Variants in CACNA2D3 observed in about 807,000 individuals in gnomAD.
CACNA2D3 encodes the protein voltage-dependent calcium channel subunit alpha-2/delta-3.
Under a neutral mutation model 160.6 loss-of-function variants are expected in CACNA2D3, and 60 were observed. The ratio of observed to expected loss-of-function variants is 0.37; its 90% CI spans 0.30 to 0.46. CACNA2D3 has a LOEUF of 0.46. Among genes scored for constraint, CACNA2D3 ranks in the 20% least tolerant of loss-of-function variants. CACNA2D3 has a pLI of 1.00. For missense variants in CACNA2D3, 1,205 were observed against 1,365.0 expected (o/e 0.88, Z 1.85); for synonymous variants, 558 against 492.9 (o/e 1.13, Z -1.75).
At chr3:54,629,966 AGATTGGGGCT>A (rs1347303134) in intron 10 of CACNA2D3, among the ~76,000 whole-genome samples, 3 of 152,108 alleles carry the variant, frequency 2.0e-5, no homozygotes, top group Non-Finnish European at 4.4e-5. Flanking sequence ...GGAGTAAGGC[AGATTGGGGCT>A]GAGAAGCCTG....
intron 27 of CACNA2D3, among the ~76,000 whole-genome samples, chr3:54,943,269 A>T (rs1220278141): frequency 6.6e-6 from 1 of 151,772 alleles, no homozygotes; most frequent in Non-Finnish European, 1.5e-5. Context: ...GCCCTGATCC[A>T]TCATTCCCAA....
chr3:54,942,170 C>A (rs1171493905), intron 27 of CACNA2D3, among the ~76,000 whole-genome samples: 1 of 152,240 alleles, frequency 6.6e-6, no homozygotes, highest in South Asian at 2.1e-4. Flanking sequence ...ATTTCTGCAA[C>A]AGGGCAGTGA....
intron 2 of CACNA2D3, among the ~76,000 whole-genome samples, chr3:54,166,779 A>G (rs1256848014): frequency 6.6e-6 from 1 of 152,216 alleles, no homozygotes; most frequent in African/African-American, 2.4e-5. Context: ...TGAGACTTCC[A>G]TGACAATATT....
intron 11 of CACNA2D3, among the ~76,000 whole-genome samples, chr3:54,736,125 ATATATG>A (rs1363569102): frequency 9.0e-5 from 6 of 66,542 alleles, no homozygotes; most frequent in African/African-American, 2.3e-4. Flanking sequence ...ATATACATAT[ATATATG>A]TATATATATA....
chr3:54,241,852 T>A (rs1267861660), intron 2 of CACNA2D3, among the ~76,000 whole-genome samples: 2 of 152,216 alleles, frequency 1.3e-5, no homozygotes, highest in Non-Finnish European at 2.9e-5. Flanking sequence ...TTGGGTAAGT[T>A]ACTTGAACTT....
intron 27 of CACNA2D3, among the ~76,000 whole-genome samples, chr3:54,919,856 A>G (rs1700784681): frequency 6.6e-6 from 1 of 152,220 alleles, no homozygotes; most frequent in Admixed American, 6.5e-5. Flanking sequence ...GGATGAAACA[A>G]CATCCAAACC....
intron 35 of CACNA2D3, among the ~76,000 whole-genome samples, chr3:55,040,599 CA>C (rs10718183): frequency 0.19 from 28,868 of 151,954 alleles, 2,822 homozygotes; most frequent in East Asian, 0.27. Flanking sequence ...GCGGGAGGAT[CA>C]CTTGAGCCCA....
At chr3:54,307,010 G>T (rs1703618059) in intron 2 of CACNA2D3, among the ~76,000 whole-genome samples, 1 of 152,064 alleles carries the variant, frequency 6.6e-6, no homozygotes, top group African/African-American at 2.4e-5. Flanking sequence ...ACCAAGAAGT[G>T]GCTGACTTCT....
chr3:54,540,630 G>C (rs953817579), intron 5 of CACNA2D3, among the ~76,000 whole-genome samples: 2 of 152,174 alleles, frequency 1.3e-5, no homozygotes, highest in African/African-American at 4.8e-5. Flanking sequence ...TCTTTTCCTA[G>C]TTTGCAGTTG....
chr3:54,901,574 G>T (rs1229813389), intron 27 of CACNA2D3, among the ~76,000 whole-genome samples: 1 of 152,108 alleles, frequency 6.6e-6, no homozygotes, highest in Non-Finnish European at 1.5e-5. Flanking sequence ...ACACAGTTTG[G>T]TCCACCCTGA....
At chr3:54,407,840 C>T (rs571620843) in intron 4 of CACNA2D3, among the ~76,000 whole-genome samples, 17 of 152,140 alleles carry the variant, frequency 1.1e-4, no homozygotes, top group Non-Finnish European at 2.4e-4. Context: ...TAGTTTCATT[C>T]CCAGCTGGAC....
Position 54,132,206 on chromosome 3 carries a change from C to T in CACNA2D3, c.204+8612C>T, listed in dbSNP as rs74352021. Among the ~76,000 whole-genome samples the T allele has an allele frequency of 2.6e-3, 391 of 152,318 alleles. 15 individuals are homozygous for T. In the East Asian group the frequency reaches 0.067, roughly 26 times the overall value. On this transcript the variant is annotated intron_variant, in intron 2 of 37. Coordinates refer to ENST00000474759, the MANE Select transcript of CACNA2D3 (RefSeq NM_018398.3). Reference sequence around the variant, plus strand: ...TTTGACTTCTGGAATGCTAATGCTACGTTTGGATATTCTTTCCTCTTGACT... The same window carrying T: ...TTTGACTTCTGGAATGCTAATGCTATGTTTGGATATTCTTTCCTCTTGACT...
chr3:54,551,694 C>T (rs1246648070), intron 5 of CACNA2D3, among the ~76,000 whole-genome samples: 3 of 152,276 alleles, frequency 2.0e-5, no homozygotes, highest in East Asian at 3.9e-4. Flanking sequence ...TCTGGAACAG[C>T]GTGGGTGCTC....
intron 4 of CACNA2D3, among the ~76,000 whole-genome samples, chr3:54,441,622 C>T (rs1198810778): frequency 1.3e-5 from 2 of 152,118 alleles, no homozygotes; most frequent in Admixed American, 1.3e-4. Flanking sequence ...GGTTTTAGGT[C>T]TAACATTTAA....
intron 2 of CACNA2D3, among the ~76,000 whole-genome samples, chr3:54,275,884 TC>T (rs61568954): frequency 0.2 from 30,698 of 152,064 alleles, 3,238 homozygotes; most frequent in East Asian, 0.27. Flanking sequence ...TGCCTTGGCC[TC>T]CCAAAGTGCT....
In CACNA2D3 at chr3:54,869,072, A is replaced by G. The variant is rs9831291; in HGVS notation, c.1627-2467A>G. On this transcript the variant is annotated intron_variant, in intron 17 of 37. Coordinates refer to ENST00000474759, the MANE Select transcript of CACNA2D3 (RefSeq NM_018398.3). ...CACCCAATGTGATGTGAGTGGTGTG[A>G]CACGGCAGAGCCACTGTGACCTTCT... is the stretch of plus-strand genomic sequence containing the variant. 6.1e-3 allele frequency among the ~76,000 whole-genome samples: 922 copies of G among 152,336 alleles called. 8 individuals carry two copies. The highest frequency in any genetic ancestry group is 0.021 in the African/African-American group (886 of 41,578).
intron 2 of CACNA2D3, among the ~76,000 whole-genome samples, chr3:54,215,253 T>A (rs989502915): frequency 1.3e-5 from 2 of 152,268 alleles, no homozygotes; most frequent in African/African-American, 4.8e-5. Flanking sequence ...TGTGATGTTT[T>A]GATTAATCTG....
At chr3:55,028,317 C>T (rs1703609025) in intron 35 of CACNA2D3, among the ~76,000 whole-genome samples, 1 of 152,080 alleles carries the variant, frequency 6.6e-6, no homozygotes, top group African/African-American at 2.4e-5. Flanking sequence ...ATTAAGAATG[C>T]AGGAGCCTAA....
Position 54,879,147 on chromosome 3 carries a change from T to C in CACNA2D3, c.1782+58T>C, listed in dbSNP as rs112625929. The C allele has an allele frequency of 8.2e-5, 97 of 1,182,688 alleles. 1 individual carries two copies. In the African/African-American group the frequency reaches 1.1e-3, roughly 13 times the overall value. The allele number at this position is 1,182,688 out of a possible 1,614,324, so 73.3% of individuals were successfully genotyped here. The stretch of plus-strand genomic sequence containing the variant: ...TTTAAAACAAACCACTGTGAAAAAT[T>C]AGCTTTGAAAGCTATATCTGGAATA... On this transcript the variant is annotated intron_variant, in intron 19 of 37. Transcript: ENST00000474759.
Sources: gnomAD v4.1 joint callset for allele counts (sites outside exome capture counted in the v4.1 genomes callset) on GRCh38, gnomAD v4.1.1 for gene constraint, MANE v1.5 for transcripts, NCBI Gene and HGNC (gene_info 2026-07-23, HGNC 2026-07-21) for gene names.